Variants in SBF2 observed in about 807,000 individuals in gnomAD.
SBF2 encodes SET binding factor 2, also known as myotubularin-related protein 13.
A neutral mutation model predicts 225.2 loss-of-function variants in SBF2; 112 were observed. The observed-to-expected ratio is 0.50, with a 90% CI of 0.43 to 0.58. The LOEUF (loss-of-function observed/expected upper bound fraction) is 0.58. Among genes scored for constraint, SBF2 ranks in the 20% least tolerant of loss-of-function variants. The pLI is 0.00. For synonymous variants in SBF2, 763 were observed against 773.3 expected, an observed-to-expected ratio of 0.99 and a Z score of 0.22; for missense variants, 1,996 against 2,206.2, an observed-to-expected ratio of 0.90 and a Z score of 1.91.
chr11:10,233,227 A>T (rs1185398698), intron 1 of SBF2, among the ~76,000 whole-genome samples: 1 of 152,094 alleles, frequency 6.6e-6, no homozygotes, highest in Non-Finnish European at 1.5e-5. Flanking sequence ...TTTCCTTACA[A>T]AGTAGTTATC....
intron 1 of SBF2, chr11:10,272,302 CT>C: frequency 1.1e-6 from 1 of 934,698 alleles, no homozygotes; most frequent in Non-Finnish European, 1.6e-6. Context: ...AATCTTGATT[CT>C]TTAGGAGAAT....
In SBF2 at chr11:10,156,297, G is replaced by A. The variant is rs77049148; in HGVS notation, c.141+37605C>T. ...GACTTTGGTAACCATGGTAACCAGC[G>A]AGCATGGGAGGGTGGCCTGGGGTGA... On this transcript the variant is annotated intron_variant, in intron 2 of 39. Transcript: ENST00000256190. 8.4e-4 allele frequency among the ~76,000 whole-genome samples: 128 copies of A among 152,334 alleles called. 2 individuals carry two copies. In the East Asian group the frequency reaches 0.024, roughly 29 times the overall value.
chr11:10,012,553 T>C (rs1364320537), intron 6 of SBF2, among the ~76,000 whole-genome samples: 2 of 152,240 alleles, frequency 1.3e-5, no homozygotes, highest in Non-Finnish European at 2.9e-5. Context: ...TATTTTGTCT[T>C]AATTCTTTCA....
chr11:9,802,636 T>C (rs1310625129), intron 32 of SBF2, among the ~76,000 whole-genome samples: 1 of 152,252 alleles, frequency 6.6e-6, no homozygotes, highest in East Asian at 1.9e-4. Flanking sequence ...GCAGCACTAA[T>C]TCGAATTATC....
intron 8 of SBF2, among the ~76,000 whole-genome samples, chr11:9,998,693 T>C (rs1947815733): frequency 6.6e-6 from 1 of 152,172 alleles, no homozygotes; most frequent in African/African-American, 2.4e-5. Context: ...TAGACTGAAA[T>C]TATTAACTGG....
At chr11:9,919,923 G>C (rs751225104) in intron 16 of SBF2, among the ~76,000 whole-genome samples, 18 of 151,784 alleles carry the variant, frequency 1.2e-4, no homozygotes, top group Non-Finnish European at 2.5e-4. Flanking sequence ...TAGAGACAGG[G>C]GTTTCTCCAT....
chr11:10,039,178 T>C (rs990537350), intron 3 of SBF2, among the ~76,000 whole-genome samples: 6 of 151,834 alleles, frequency 4.0e-5, no homozygotes, highest in African/African-American at 9.7e-5. Context: ...TAATGTGTCA[T>C]AGTATATTTG....
At chr11:9,992,864 C>T (rs932311953) in intron 11 of SBF2, 126 bp downstream of exon 11, 3 of 690,954 alleles carry the variant, frequency 4.3e-6, no homozygotes, top group East Asian at 2.8e-5. Flanking sequence ...TCTAACCACA[C>T]AGAGATTTTA....
intron 1 of SBF2, among the ~76,000 whole-genome samples, chr11:10,220,901 A>G (rs1304932093): frequency 8.6e-5 from 13 of 152,008 alleles, no homozygotes; most frequent in Admixed American, 8.5e-4. Flanking sequence ...CCTTTATTTA[A>G]TTCCTCACTT....
intron 6 of SBF2, among the ~76,000 whole-genome samples, chr11:10,005,314 C>A (rs763625073): frequency 2.0e-5 from 3 of 152,182 alleles, no homozygotes; most frequent in Non-Finnish European, 2.9e-5. Flanking sequence ...AGTAAACACA[C>A]TGCACATGTG....
chr11:9,951,585 C>T (rs1865864098), intron 16 of SBF2, among the ~76,000 whole-genome samples: 1 of 152,134 alleles, frequency 6.6e-6, no homozygotes, highest in Non-Finnish European at 1.5e-5. Flanking sequence ...ATTTAGAATT[C>T]ATTGCTTTAA....
intron 9 of SBF2, among the ~76,000 whole-genome samples, 168 bp from the exon 10 acceptor site, chr11:9,994,166 G>A (rs1947564680): frequency 6.6e-6 from 1 of 152,198 alleles, no homozygotes; most frequent in Non-Finnish European, 1.5e-5. Flanking sequence ...AGATCTCCAA[G>A]ACAAAATATT....
chr11:9,894,852 C>T (rs1455128163), intron 17 of SBF2, among the ~76,000 whole-genome samples: 2 of 151,936 alleles, frequency 1.3e-5, no homozygotes, highest in Non-Finnish European at 2.9e-5. Flanking sequence ...TGTGGTGGTA[C>T]ATGCCTATAA....
At chr11:9,923,133 C>T (rs1165129834) in intron 16 of SBF2, among the ~76,000 whole-genome samples, 2 of 152,126 alleles carry the variant, frequency 1.3e-5, no homozygotes, top group Non-Finnish European at 2.9e-5. Context: ...CTTTTAAAAG[C>T]ACTCACTTCC....
chr11:9,923,843 C>T (rs1863822337), intron 16 of SBF2, among the ~76,000 whole-genome samples: 1 of 152,186 alleles, frequency 6.6e-6, no homozygotes, highest in Admixed American at 6.5e-5. Context: ...AAAATCCAAA[C>T]TAAGAGGATT....
intron 17 of SBF2, among the ~76,000 whole-genome samples, chr11:9,892,646 G>A (rs959474163): frequency 2.0e-5 from 3 of 151,268 alleles, no homozygotes; most frequent in Non-Finnish European, 4.4e-5. Context: ...GGCAACCTCC[G>A]CCTCCAAGGT....
At chr11:10,293,903 A>C (rs1354900685) in intron 1 of SBF2, 112 bp downstream of exon 1, 1 of 697,868 alleles carries the variant, frequency 1.4e-6, no homozygotes, top group Admixed American at 4.8e-5. Flanking sequence ...CTCCTCCGAG[A>C]CTCGGCCTGG....
chr11:10,085,217 T>C (rs538157425), intron 2 of SBF2, among the ~76,000 whole-genome samples: 16 of 152,320 alleles, frequency 1.1e-4, no homozygotes, highest in African/African-American at 3.6e-4. Context: ...TTTTCTTTTG[T>C]TCTCAAAACC....
intron 24 of SBF2, chr11:9,843,801 T>G (rs1856343187): frequency 6.6e-6 from 1 of 152,244 alleles, no homozygotes; most frequent in South Asian, 2.1e-4. Flanking sequence ...ACTTTTATTT[T>G]TTAATTTTTA....
Sources: gnomAD v4.1 joint callset for allele counts (sites outside exome capture counted in the v4.1 genomes callset) on GRCh38, gnomAD v4.1.1 for gene constraint, MANE v1.5 for transcripts, NCBI Gene and HGNC (gene_info 2026-07-23, HGNC 2026-07-21) for gene names.